Variants in AGAP1 observed in about 807,000 individuals in gnomAD.
AGAP1 encodes arf-GAP with GTPase, ANK repeat and PH domain-containing protein 1.
Under a neutral mutation model 105.3 loss-of-function variants are expected in AGAP1, and 29 were observed. That is an observed-to-expected ratio of 0.28 (90% CI 0.21 to 0.38). The LOEUF (loss-of-function observed/expected upper bound fraction) is 0.38. Among genes scored for constraint, AGAP1 ranks in the 10% least tolerant of loss-of-function variants. The probability of loss-of-function intolerance (pLI) is 1.00; values close to 1 mark genes in which losing one functional copy is unlikely to be tolerated. For synonymous variants in AGAP1, 509 were observed against 485.9 expected, an observed-to-expected ratio of 1.05 and a Z score of -0.63; for missense variants, 998 against 1,165.1, an observed-to-expected ratio of 0.86 and a Z score of 2.09.
chr2:235,962,046 GGTTTTGTTTTGTTTTGTTTT>G lies in AGAP1; in HGVS notation c.1484-6396_1484-6377del, dbSNP rs72183486. ...CTTCTGATGGATGCTTTTGGTTTTT[GGTTTTGTTTTGTTTTGTTTT>G]GTTTTGTTTTGTTTTGTTTCAGTGA... On this transcript the variant is annotated intron_variant, in intron 12 of 17. Coordinates refer to ENST00000304032, the MANE Select transcript of AGAP1 (RefSeq NM_001037131.3). The surrounding 1 kb of genome is among the most constrained non-coding windows in gnomAD (Gnocchi z 5.3). Among the ~76,000 whole-genome samples the G allele has an allele frequency of 9.4e-3, 1,410 of 150,632 alleles. 19 individuals are homozygous for G. The highest frequency in any genetic ancestry group is 0.033 in the African/African-American group (1,334 of 40,536).
chr2:235,602,271 T>A (rs1038130285), intron 1 of AGAP1, among the ~76,000 whole-genome samples: 1 of 152,220 alleles, frequency 6.6e-6, no homozygotes, highest in African/African-American at 2.4e-5. Context: ...GCTCAAATGT[T>A]ATCTGTGGCT....
chr2:235,853,344 G>A, intron 9 of AGAP1: 1 of 518,608 alleles, frequency 1.9e-6, no homozygotes, highest in Non-Finnish European at 2.5e-6. Context: ...GGAATGTTGT[G>A]ACTTTCTTAG....
intron 6 of AGAP1, among the ~76,000 whole-genome samples, chr2:235,782,819 C>A (rs922889881): frequency 2.6e-5 from 4 of 152,132 alleles, no homozygotes; most frequent in Admixed American, 1.3e-4. Context: ...GTATTGCATG[C>A]CTAATTTTCA....
intron 9 of AGAP1, among the ~76,000 whole-genome samples, chr2:235,826,404 T>TCTCCGTTG (rs1959065547): frequency 6.6e-6 from 1 of 152,184 alleles, no homozygotes; most frequent in Admixed American, 6.5e-5. Context: ...TCTACTTTCG[T>TCTCCGTTG]CTCCGTTGCT....
chr2:235,644,631 C>T (rs1020441858), intron 1 of AGAP1, among the ~76,000 whole-genome samples: 5 of 152,140 alleles, frequency 3.3e-5, no homozygotes, highest in African/African-American at 9.7e-5. Context: ...CCAAGTCAGG[C>T]GCTTGGCCAC....
At chr2:235,764,617 C>T (rs1336915240) in intron 6 of AGAP1, among the ~76,000 whole-genome samples, 5 of 151,996 alleles carry the variant, frequency 3.3e-5, no homozygotes, top group East Asian at 1.9e-4. Context: ...TGAGTCGGCT[C>T]GGCTGCCTGC....
Position 236,068,785 on chromosome 2 carries a change from G to A in AGAP1, c.2114+19504G>A, listed in dbSNP as rs549658965. ...ACTGCACTCCAGCCTGGGCGACAGC[G>A]AGACTCCGTCTCAAAAAAAAAAAAA... On this transcript the variant is annotated intron_variant, in intron 16 of 17. Transcript: ENST00000304032. Among the ~76,000 whole-genome samples, 499 of 122,516 alleles carry A rather than the reference G, an allele frequency of 4.1e-3. 1 individual carries two copies. The highest frequency in any genetic ancestry group is 0.011 in the South Asian group (40 of 3,684). The allele number at this position is 122,516 out of a possible 152,430, so 80.4% of individuals were successfully genotyped here.
chr2:235,794,341 G>C (rs538211986), intron 6 of AGAP1, among the ~76,000 whole-genome samples: 1 of 152,296 alleles, frequency 6.6e-6, no homozygotes, highest in South Asian at 2.1e-4. Flanking sequence ...AGTAGTAAGC[G>C]CAAATGTTTT....
chr2:235,999,977 T>C (rs1235446424), intron 13 of AGAP1, among the ~76,000 whole-genome samples: 1 of 152,136 alleles, frequency 6.6e-6, no homozygotes, highest in Non-Finnish European at 1.5e-5. Context: ...AATAGTCTCA[T>C]AGACCATTGA....
chr2:235,769,203 G>A lies in AGAP1; in HGVS notation c.673+18715G>A, dbSNP rs978981173. 1.6e-4 allele frequency among the ~76,000 whole-genome samples: 24 copies of A among 152,122 alleles called. No individual in the cohort carries two copies. Among genetic ancestry groups the A allele is most frequent in the African/African-American group, 4.3e-4 (18 of 41,424 alleles). On this transcript the variant is annotated intron_variant, in intron 6 of 17. Coordinates refer to ENST00000304032, the MANE Select transcript of AGAP1 (RefSeq NM_001037131.3). This position sits in a 1 kb window ranked among gnomAD's most constrained non-coding sequence, Gnocchi z 4.4. ...GTTGCTGCTACCTTGGGGCCCAGGC[G>A]TGTCTTTTGTCCCCCAGTGCCTGGC...
At position 236,014,198 on chromosome 2, in the gene AGAP1, C is replaced by G. The variant is rs188520215; in HGVS notation, c.1646-22363C>G. Among the ~76,000 whole-genome samples, 1 of 152,192 alleles carries G rather than the reference C, an allele frequency of 6.6e-6. No homozygotes were observed. The highest frequency in any genetic ancestry group is 2.4e-5 in the African/African-American group (1 of 41,462). ...GCTCCATTTAGAGCCGTAACTCCCCCGAGTGTCAAAGAGAATAGACTCCTC... is the reference window on the plus strand; with the variant it reads ...GCTCCATTTAGAGCCGTAACTCCCCGGAGTGTCAAAGAGAATAGACTCCTC... On this transcript the variant is annotated intron_variant, in intron 13 of 17. Transcript: ENST00000304032. The surrounding 1 kb of genome is among the most constrained non-coding windows in gnomAD (Gnocchi z 6.3).
chr2:235,670,878 C>T (rs1948372632), intron 1 of AGAP1: 1 of 1,353,880 alleles, frequency 7.4e-7, no homozygotes, highest in African/African-American at 1.5e-5. Flanking sequence ...GGCGCGGCCT[C>T]GGAGCACCGG....
At chr2:235,507,241 C>G (rs1038063549) in intron 1 of AGAP1, 1 of 152,514 alleles carries the variant, frequency 6.6e-6, no homozygotes, top group Non-Finnish European at 1.5e-5. Flanking sequence ...TCACCCTGTC[C>G]CCTGTGGTTT....
intron 1 of AGAP1, among the ~76,000 whole-genome samples, chr2:235,537,735 G>C (rs1943288218): frequency 6.6e-6 from 1 of 152,164 alleles, no homozygotes; most frequent in Non-Finnish European, 1.5e-5. Context: ...GATACCATTG[G>C]CTGAGGTTCA....
intron 5 of AGAP1, among the ~76,000 whole-genome samples, chr2:235,749,555 T>C (rs1449248107): frequency 2.0e-5 from 3 of 151,530 alleles, no homozygotes; most frequent in African/African-American, 7.3e-5. Flanking sequence ...TCCACACACC[T>C]CCCTCCCACC....
rs1020428713 is a variant in AGAP1, at chr2:235,712,197, T to C, written c.222+2960T>C. On this transcript the variant is annotated intron_variant, in intron 2 of 17. Transcript: ENST00000304032. This position sits in a 1 kb window ranked among gnomAD's most constrained non-coding sequence, Gnocchi z 6.0. ...ACCACCACATCTGGCTAATTTTTTA[T>C]TTTTAGTAGACAAGATTTTACCATG... 2.0e-5 allele frequency among the ~76,000 whole-genome samples: 3 copies of C among 152,114 alleles called. No homozygotes were observed. Among genetic ancestry groups the C allele is most frequent in the African/African-American group, 7.2e-5 (3 of 41,430 alleles).
At chr2:235,767,935 C>T (rs978867745) in intron 6 of AGAP1, among the ~76,000 whole-genome samples, 7 of 152,082 alleles carry the variant, frequency 4.6e-5, no homozygotes, top group Middle Eastern at 3.4e-3. Context: ...CAGGCACCCA[C>T]GCCATCATGC....
chr2:235,509,292 T>A (rs1941966164), intron 1 of AGAP1, among the ~76,000 whole-genome samples: 1 of 152,174 alleles, frequency 6.6e-6, no homozygotes, highest in African/African-American at 2.4e-5. Context: ...AGTGGTGCGA[T>A]CTCTGCTCAC....
In AGAP1 at chr2:236,125,599, A is replaced by ATGGGG. The variant is rs2059990561; in HGVS notation, c.*1481_*1485dup. ...CCAAGGACCAAGGGACTCTGGCAAG[A>ATGGGG]TGGGGTGGTTTTCCGAATGCCAGAC... On this transcript the variant is annotated 3_prime_UTR_variant, in exon 18 of 18. Transcript: ENST00000304032. The surrounding 1 kb of genome is among the most constrained non-coding windows in gnomAD (Gnocchi z 5.2). The ATGGGG allele has an allele frequency of 6.6e-6, 1 of 152,172 alleles. No individual in the cohort carries two copies. The highest frequency in any genetic ancestry group is 2.1e-4 in the South Asian group (1 of 4,826). 9.4% of individuals were successfully genotyped at this position (152,172 alleles called of 1,614,324 possible). A position where few individuals can be genotyped will look rare whatever the true frequency, so the allele number is the denominator to read the frequency against.
Sources: allele counts gnomAD v4.1 joint callset (sites outside exome capture counted in the v4.1 genomes callset), GRCh38; gene constraint gnomAD v4.1.1; non-coding constraint Gnocchi (gnomAD v3.1); transcripts MANE v1.5; gene names NCBI Gene and HGNC (gene_info 2026-07-23, HGNC 2026-07-21).